Variants in KIAA1958 observed in about 807,000 individuals in gnomAD.
KIAA1958 encodes KIAA1958, also known as uncharacterized protein KIAA1958.
KIAA1958 carries 14 observed loss-of-function variants against 47.2 expected under a neutral mutation model. The observed-to-expected ratio is 0.30, with a 90% CI of 0.20 to 0.46. The LOEUF (loss-of-function observed/expected upper bound fraction) is 0.46, where lower values mean the gene tolerates loss of function less well. KIAA1958 is among the 20% of genes least tolerant of loss of function. KIAA1958 has a pLI of 1.00. For missense variants in KIAA1958, 803 were observed against 909.2 expected (o/e 0.88, Z 1.50); for synonymous variants, 354 against 353.3 (o/e 1.00, Z -0.02).
intron 2 of KIAA1958, among the ~76,000 whole-genome samples, chr9:112,597,264 C>G (rs1322773094): frequency 6.6e-6 from 1 of 152,234 alleles, no homozygotes; most frequent in Non-Finnish European, 1.5e-5. Flanking sequence ...ATAGCCCACA[C>G]TTCTAGTGTG....
rs115712691 is a variant in KIAA1958 at position 112,550,769 on chromosome 9, C to G, written c.-24-23288C>G. 4.4e-3 allele frequency among the ~76,000 whole-genome samples: 670 copies of G among 152,232 alleles called. 3 individuals carry two copies. Among genetic ancestry groups the G allele is most frequent in the African/African-American group, 0.015 (612 of 41,540 alleles). ...CCAGGTGTCCAGGGTTTTTATTTGT[C>G]AGTCATGTAAACTTGTATCACCTGT... On this transcript the variant is annotated intron_variant, in intron 1 of 3. Transcript: ENST00000337530.
At chr9:112,547,031 C>T (rs1388380321) in intron 1 of KIAA1958, among the ~76,000 whole-genome samples, 6 of 12,974 alleles carry the variant, frequency 4.6e-4, no homozygotes, top group Admixed American at 3.0e-3. Flanking sequence ...CTCCTGGGTT[C>T]AAGCGATTCT....
intron 2 of KIAA1958, among the ~76,000 whole-genome samples, chr9:112,627,849 C>T (rs1225783453): frequency 6.6e-6 from 1 of 152,240 alleles, no homozygotes; most frequent in East Asian, 1.9e-4. Flanking sequence ...TTACATTCAG[C>T]ATGTACACAG....
At chr9:112,510,868 T>A (rs1729238259) in intron 1 of KIAA1958, among the ~76,000 whole-genome samples, 1 of 152,022 alleles carries the variant, frequency 6.6e-6, no homozygotes, top group African/African-American at 2.4e-5. Flanking sequence ...CTAAAGGTTG[T>A]GAAGAAGCAA....
chr9:112,611,013 T>G (rs969126428), intron 2 of KIAA1958, among the ~76,000 whole-genome samples: 1 of 152,184 alleles, frequency 6.6e-6, no homozygotes, highest in African/African-American at 2.4e-5. Context: ...TTGATAAAAT[T>G]TAACATGAAT....
At chr9:112,586,005 G>A (rs1835817061) in intron 2 of KIAA1958, among the ~76,000 whole-genome samples, 1 of 152,130 alleles carries the variant, frequency 6.6e-6, no homozygotes, top group Non-Finnish European at 1.5e-5. Flanking sequence ...GAAAAAACAT[G>A]GTTCCTGTTC....
intron 1 of KIAA1958, among the ~76,000 whole-genome samples, chr9:112,513,484 G>GGCTTAGGGAGCCCGTCCGGCCATGGTC: frequency 1.1e-4 from 2 of 18,898 alleles, no homozygotes; most frequent in East Asian, 1.5e-3. Flanking sequence ...TGGGGTCGGT[G>GGCTTAGGGAGCCCGTCCGGCCATGGTC]GCCGCGGCTG....
At chr9:112,528,160 A>G (rs1834692823) in intron 1 of KIAA1958, among the ~76,000 whole-genome samples, 1 of 152,076 alleles carries the variant, frequency 6.6e-6, no homozygotes, top group Non-Finnish European at 1.5e-5. Context: ...GATGTGATCA[A>G]TCAAAGTCAC....
chr9:112,530,106 G>C (rs1834729197), intron 1 of KIAA1958, among the ~76,000 whole-genome samples: 1 of 152,226 alleles, frequency 6.6e-6, no homozygotes, highest in South Asian at 2.1e-4. Context: ...GCCTCCCAAA[G>C]TGCTGGGATT....
In KIAA1958 at chr9:112,618,504, A is replaced by G; in HGVS notation, c.1172-27146A>G. 6.5e-7 allele frequency: 1 copy of G among 1,549,362 alleles called. No individual in the cohort carries two copies. The highest frequency in any genetic ancestry group is 1.2e-5 in the South Asian group (1 of 84,002). On this transcript the variant is annotated intron_variant, in intron 2 of 3. Transcript: ENST00000337530. This position sits in a 1 kb window ranked among gnomAD's most constrained non-coding sequence, Gnocchi z 7.1. ...GCCAAAACCAAGAGAGGGGGGACAG[A>G]CTCCCGTGTGTATGCCACCCAGCAC...
At chr9:112,508,470 G>A (rs900879923) in intron 1 of KIAA1958, among the ~76,000 whole-genome samples, 1 of 152,206 alleles carries the variant, frequency 6.6e-6, no homozygotes, top group African/African-American at 2.4e-5. Flanking sequence ...ATATATTAAA[G>A]CAGCTACATA....
Position 112,645,826 on chromosome 9 carries a change from A to G in KIAA1958, c.1344+4A>G, listed in dbSNP as rs1301044986. On this transcript the variant is annotated splice_donor_region_variant and intron_variant, in intron 3 of 3. Coordinates refer to ENST00000337530, the MANE Select transcript of KIAA1958 (RefSeq NM_133465.4). ...AGACCACACAGACATCACCAAGGTA[A>G]GGGACTCTTGAGTTTACTTCTTTCA... The G allele has an allele frequency of 1.2e-6, 2 of 1,611,842 alleles. No homozygotes were observed. The highest frequency in any genetic ancestry group is 2.7e-5 in the African/African-American group (2 of 74,804).
At chr9:112,539,209 TATTGGA>T (rs1168927558) in intron 1 of KIAA1958, among the ~76,000 whole-genome samples, 2 of 152,228 alleles carry the variant, frequency 1.3e-5, no homozygotes, top group African/African-American at 4.8e-5. Flanking sequence ...TACCTGAGAC[TATTGGA>T]AACATTTGTC....
chr9:112,630,643 T>A (rs1015822090), intron 2 of KIAA1958, among the ~76,000 whole-genome samples: 2 of 152,094 alleles, frequency 1.3e-5, no homozygotes, highest in Non-Finnish European at 2.9e-5. Context: ...CGAATAGGAA[T>A]GGTTCTCCAA....
At chr9:112,499,117 C>A (rs1002552642) in intron 1 of KIAA1958, among the ~76,000 whole-genome samples, 1 of 152,188 alleles carries the variant, frequency 6.6e-6, no homozygotes, top group African/African-American at 2.4e-5. Context: ...TGTATATACA[C>A]CACATTTTCT....
At chr9:112,645,588 T>A (rs1263397674) in intron 2 of KIAA1958, 62 bp from the exon 3 acceptor site, 8 of 1,109,734 alleles carry the variant, frequency 7.2e-6, no homozygotes, top group Middle Eastern at 2.8e-4. Context: ...CATCCCAAGA[T>A]GTAATTCTCT....
intron 2 of KIAA1958, among the ~76,000 whole-genome samples, chr9:112,636,105 T>TA: frequency 6.7e-6 from 1 of 148,314 alleles, no homozygotes; most frequent in African/African-American, 2.5e-5. Flanking sequence ...AATTGTTTAT[T>TA]TTATATATAT....
At chr9:112,533,612 A>T (rs1834805136) in intron 1 of KIAA1958, among the ~76,000 whole-genome samples, 1 of 146,174 alleles carries the variant, frequency 6.8e-6, no homozygotes. Context: ...AAAAGAAAAG[A>T]GGTTTAATTG....
intron 1 of KIAA1958, among the ~76,000 whole-genome samples, chr9:112,551,085 G>A (rs966804830): frequency 6.9e-6 from 1 of 144,660 alleles, no homozygotes; most frequent in Admixed American, 6.9e-5. Flanking sequence ...GTCTTTCCCT[G>A]TTTTACTATG....
Sources: gnomAD v4.1 joint callset for allele counts (sites outside exome capture counted in the v4.1 genomes callset) on GRCh38, gnomAD v4.1.1 for gene constraint, Gnocchi (gnomAD v3.1) non-coding constraint, MANE v1.5 for transcripts, NCBI Gene and HGNC (gene_info 2026-07-23, HGNC 2026-07-21) for gene names.